MMP16: variants seen among roughly 807,000 people sequenced by gnomAD.
MMP16 encodes the protein matrix metalloproteinase-16.
Under a neutral mutation model 67.8 loss-of-function variants are expected in MMP16, and 12 were observed. That is an observed-to-expected ratio of 0.18 (90% CI 0.11 to 0.29). MMP16 has a LOEUF of 0.29. Among genes scored for constraint, MMP16 ranks in the 10% least tolerant of loss-of-function variants. The probability of loss-of-function intolerance (pLI) is 1.00; values close to 1 mark genes in which losing one functional copy is unlikely to be tolerated. For missense variants in MMP16, 475 were observed against 765.7 expected (o/e 0.62, Z 4.48); for synonymous variants, 249 against 255.9 (o/e 0.97, Z 0.26).
intron 1 of MMP16, among the ~76,000 whole-genome samples, chr8:88,298,124 G>A (rs1811040205): frequency 6.6e-6 from 1 of 152,052 alleles, no homozygotes; most frequent in Admixed American, 6.6e-5. Flanking sequence ...GTGATTAGAA[G>A]GTAAAAGAGA....
intron 4 of MMP16, among the ~76,000 whole-genome samples, chr8:88,149,300 G>A (rs1248350314): frequency 1.3e-5 from 2 of 152,228 alleles, no homozygotes; most frequent in African/African-American, 4.8e-5. Context: ...GCCCGCCATT[G>A]CCCAGGCTTG....
At chr8:88,269,631 G>T (rs534778060) in intron 1 of MMP16, among the ~76,000 whole-genome samples, 5 of 152,208 alleles carry the variant, frequency 3.3e-5, no homozygotes, top group African/African-American at 1.2e-4. Flanking sequence ...ATTCAGCCTG[G>T]AAAATAGTCA....
chr8:88,198,945 T>C (rs1207078355), intron 1 of MMP16, among the ~76,000 whole-genome samples: 1 of 152,036 alleles, frequency 6.6e-6, no homozygotes, highest in Non-Finnish European at 1.5e-5. Flanking sequence ...TTTTTCTGAA[T>C]GAAGGAGGCA....
At chr8:88,297,280 A>G (rs1811027414) in intron 1 of MMP16, among the ~76,000 whole-genome samples, 1 of 152,178 alleles carries the variant, frequency 6.6e-6, no homozygotes, top group African/African-American at 2.4e-5. Flanking sequence ...GAAAGAGCAG[A>G]GTGCTCTAAG....
chr8:88,221,451 T>C (rs559075722), intron 1 of MMP16, among the ~76,000 whole-genome samples: 2 of 151,704 alleles, frequency 1.3e-5, no homozygotes, highest in East Asian at 2.0e-4. Context: ...ACCTCCAAAA[T>C]GAGAATCCGA....
chr8:88,045,363 T>TTTTG (rs1047828908), intron 9 of MMP16, among the ~76,000 whole-genome samples: 2 of 152,098 alleles, frequency 1.3e-5, no homozygotes, highest in Non-Finnish European at 2.9e-5. Context: ...TTTCTTATCT[T>TTTTG]TTTGTTTGTT....
chr8:88,130,836 T>G (rs2118471603), intron 4 of MMP16, among the ~76,000 whole-genome samples: 1 of 151,640 alleles, frequency 6.6e-6, no homozygotes, highest in East Asian at 2.0e-4. Flanking sequence ...TTCATAATTT[T>G]TACAGATTCT....
At chr8:88,169,558 A>T (rs955749198) in intron 3 of MMP16, among the ~76,000 whole-genome samples, 2 of 152,170 alleles carry the variant, frequency 1.3e-5, no homozygotes, top group Non-Finnish European at 2.9e-5. Flanking sequence ...TCTAAGATAA[A>T]TTTTTCACTA....
intron 7 of MMP16, among the ~76,000 whole-genome samples, chr8:88,068,438 AT>A (rs1477871668): frequency 1.3e-5 from 2 of 151,972 alleles, no homozygotes; most frequent in African/African-American, 4.8e-5. Flanking sequence ...ATAGATTATG[AT>A]TTTGCATGAT....
chr8:88,094,965 G>T (rs1809000954), intron 6 of MMP16, among the ~76,000 whole-genome samples: 1 of 151,706 alleles, frequency 6.6e-6, no homozygotes. Flanking sequence ...ACTTTCAAAG[G>T]CTTATTTCAT....
At chr8:88,319,282 C>T (rs997121579) in intron 1 of MMP16, among the ~76,000 whole-genome samples, 14 of 152,016 alleles carry the variant, frequency 9.2e-5, no homozygotes, top group Middle Eastern at 3.2e-3. Flanking sequence ...TTTATATAAA[C>T]CATCAAGTAT....
chr8:88,312,348 C>A (rs779081636), intron 1 of MMP16, among the ~76,000 whole-genome samples: 23 of 152,114 alleles, frequency 1.5e-4, no homozygotes, highest in African/African-American at 5.6e-4. Flanking sequence ...GAAACCTATT[C>A]TTTTCCATCT....
intron 1 of MMP16, among the ~76,000 whole-genome samples, chr8:88,224,147 A>G (rs2129854862): frequency 6.6e-6 from 1 of 152,200 alleles, no homozygotes; most frequent in South Asian, 2.1e-4. Context: ...TTCAAAATTT[A>G]AAACGCCACT....
chr8:88,038,779 A>G lies in MMP16; in HGVS notation c.*2682T>C, dbSNP rs568581662. The G allele has an allele frequency of 6.5e-6, 1 of 152,734 alleles. No individual in the cohort carries two copies. The highest frequency in any genetic ancestry group is 1.5e-5 in the Non-Finnish European group (1 of 68,024). The allele number at this position is 152,734 out of a possible 1,614,324, so 9.5% of individuals were successfully genotyped here. On this transcript the variant is annotated 3_prime_UTR_variant, in exon 10 of 10. Transcript: ENST00000286614. This position sits in a 1 kb window ranked among gnomAD's most constrained non-coding sequence, Gnocchi z 4.1. ...GCATCATCTAGAATGGAAGCACTGA[A>G]GTAAAGCTACAGGGCTGACTCTGGT... is the stretch of plus-strand genomic sequence containing the variant.
At chr8:88,060,761 G>A (rs888305401) in intron 7 of MMP16, among the ~76,000 whole-genome samples, 10 of 151,920 alleles carry the variant, frequency 6.6e-5, no homozygotes, top group African/African-American at 1.5e-4. Context: ...ACACTACATC[G>A]AACACATTAT....
intron 1 of MMP16, among the ~76,000 whole-genome samples, chr8:88,213,607 G>A (rs913468336): frequency 6.6e-6 from 1 of 152,090 alleles, no homozygotes; most frequent in East Asian, 1.9e-4. Flanking sequence ...TCAGTTATAA[G>A]ATCAATTATA....
chr8:88,327,293 A>T lies in MMP16; in HGVS notation c.-87T>A. 6.3e-7 allele frequency: 1 copy of T among 1,575,966 alleles called. No individual in the cohort carries two copies. The highest frequency in any genetic ancestry group is 8.7e-7 in the Non-Finnish European group (1 of 1,155,108). ...CTCCCTCCCTCGTTTCCTTTCAAAA[A>T]AAAGTCCTCCGGGTGGGTAAGGAGC... On this transcript the variant is annotated 5_prime_UTR_variant, in exon 1 of 10. Transcript: ENST00000286614.
chr8:88,100,971 C>G (rs559601740), intron 6 of MMP16, among the ~76,000 whole-genome samples: 49 of 132,358 alleles, frequency 3.7e-4, no homozygotes, highest in Middle Eastern at 4.3e-3. Flanking sequence ...ACACCGGGGC[C>G]TGTTGTGGGG....
chr8:88,072,660 GGATTCAGT>G (rs1437470467), intron 7 of MMP16, among the ~76,000 whole-genome samples: 1 of 152,074 alleles, frequency 6.6e-6, no homozygotes, highest in African/African-American at 2.4e-5. Flanking sequence ...AGTCAAATCA[GGATTCAGT>G]GATGTTGCTT....
Sources: allele counts gnomAD v4.1 joint callset (sites outside exome capture counted in the v4.1 genomes callset), GRCh38; gene constraint gnomAD v4.1.1; non-coding constraint Gnocchi (gnomAD v3.1); transcripts MANE v1.5; gene names NCBI Gene and HGNC (gene_info 2026-07-23, HGNC 2026-07-21).